CDYL2: variants seen among roughly 807,000 people sequenced by gnomAD.
CDYL2 encodes the protein chromodomain Y-like protein 2.
Under a neutral mutation model 49.4 loss-of-function variants are expected in CDYL2, and 23 were observed. That is an observed-to-expected ratio of 0.47 (90% CI 0.34 to 0.66). The LOEUF (loss-of-function observed/expected upper bound fraction) is 0.66, where lower values mean the gene tolerates loss of function less well. Among genes scored for constraint, CDYL2 ranks in the 30% least tolerant of loss-of-function variants. The probability of loss-of-function intolerance (pLI) is 0.01; values close to 1 mark genes in which losing one functional copy is unlikely to be tolerated. For missense variants in CDYL2, 678 were observed against 656.4 expected (o/e 1.03, Z -0.36); for synonymous variants, 360 against 268.8 (o/e 1.34, Z -3.32).
At chr16:80,657,925 A>G (rs1908878220) in intron 2 of CDYL2, among the ~76,000 whole-genome samples, 1 of 152,182 alleles carries the variant, frequency 6.6e-6, no homozygotes, top group South Asian at 2.1e-4. Context: ...CTGGTGAAAT[A>G]AACTACGATG....
chr16:80,804,607 CCCCGCCCCCCGGGAGCCCGG>C (rs953438467), upstream of CDYL2, among the ~76,000 whole-genome samples: 14 of 145,384 alleles, frequency 9.6e-5, no homozygotes, highest in African/African-American at 2.9e-4. Flanking sequence ...CTGGGCGAGT[CCCCGCCCCCCGGGAGCCCGG>C]CCCGGCCCCC....
chr16:80,609,004 G>A lies in CDYL2; in HGVS notation c.1219-769C>T, dbSNP rs1291126009. Among the ~76,000 whole-genome samples, 6 of 152,128 alleles carry A rather than the reference G, an allele frequency of 3.9e-5. 1 individual carries two copies. In the South Asian group the frequency reaches 8.3e-4, roughly 21 times the overall value. On this transcript the variant is annotated intron_variant, in intron 5 of 6. Coordinates refer to ENST00000570137, the MANE Select transcript of CDYL2 (RefSeq NM_152342.4). ...AACACCACAATACCAAGGCAGAGACGTGCATCTCTCCAAGCAGCTCAGGGC... is the reference window on the plus strand; with the variant it reads ...AACACCACAATACCAAGGCAGAGACATGCATCTCTCCAAGCAGCTCAGGGC...
chr16:80,791,760 A>G (rs1907617718), intron 1 of CDYL2, among the ~76,000 whole-genome samples: 1 of 152,216 alleles, frequency 6.6e-6, no homozygotes, highest in Admixed American at 6.5e-5. Context: ...GAGAAATAGG[A>G]GGAGGTGAGA....
chr16:80,696,476 T>C (rs1910617805), intron 1 of CDYL2, among the ~76,000 whole-genome samples: 2 of 151,610 alleles, frequency 1.3e-5, no homozygotes, highest in Admixed American at 6.6e-5. Context: ...CTAGACTAAG[T>C]AAAAAATAGA....
At chr16:80,620,156 T>A (rs58007867) in intron 4 of CDYL2, among the ~76,000 whole-genome samples, 3,711 of 152,250 alleles carry the variant, frequency 0.024, 166 homozygotes, top group African/African-American at 0.086. Flanking sequence ...GATATACTGA[T>A]AAAGAATGGG....
At chr16:80,729,692 T>A (rs370267093) in intron 1 of CDYL2, among the ~76,000 whole-genome samples, 2 of 152,062 alleles carry the variant, frequency 1.3e-5, no homozygotes, top group South Asian at 4.2e-4. Context: ...ATTGACCACA[T>A]AGTTGGAAGT....
At chr16:80,689,069 TATGA>T (rs3077555) in intron 1 of CDYL2, among the ~76,000 whole-genome samples, 3,154 of 152,116 alleles carry the variant, frequency 0.021, 38 homozygotes, top group Admixed American at 0.028. Flanking sequence ...TATTTGCACA[TATGA>T]ATGAATGAAT....
intron 1 of CDYL2, among the ~76,000 whole-genome samples, chr16:80,719,860 T>C (rs1904939988): frequency 6.6e-6 from 1 of 152,192 alleles, no homozygotes; most frequent in Non-Finnish European, 1.5e-5. Context: ...CCAAAGACAT[T>C]GTTGGGACCT....
rs755503983 is a variant in CDYL2, at chr16:80,804,184, G to A, written c.-11C>T. On this transcript the variant is annotated 5_prime_UTR_variant, in exon 1 of 7. Transcript: ENST00000570137. ...GTCCCCAGAAGCCATGCCAGGCTGC[G>A]GAACTTGGCTCGCCGGTGTGCGCGT... 4.5e-6 allele frequency: 6 copies of A among 1,321,488 alleles called. No individual in the cohort carries two copies. The African/African-American group carries it at 6.3e-5, about 14-fold the overall frequency. The allele number at this position is 1,321,488 out of a possible 1,614,324, so 81.9% of individuals were successfully genotyped here.
intron 6 of CDYL2, among the ~76,000 whole-genome samples, chr16:80,605,503 C>T (rs996442335): frequency 1.3e-5 from 2 of 149,226 alleles, no homozygotes; most frequent in African/African-American, 2.4e-5. Context: ...TAATAATAGT[C>T]ACAACAAAGA....
chr16:80,655,015 A>G, intron 2 of CDYL2, among the ~76,000 whole-genome samples: 1 of 152,178 alleles, frequency 6.6e-6, no homozygotes, highest in Admixed American at 6.5e-5. Flanking sequence ...GATCCAGGGC[A>G]CGGTCCCGTT....
chr16:80,661,782 T>C (rs1243979777), intron 2 of CDYL2, among the ~76,000 whole-genome samples: 1 of 152,178 alleles, frequency 6.6e-6, no homozygotes, highest in Non-Finnish European at 1.5e-5. Flanking sequence ...GCAGAGCTCA[T>C]TTCACTATGT....
intron 1 of CDYL2, among the ~76,000 whole-genome samples, chr16:80,722,431 G>T (rs1465715096): frequency 6.6e-6 from 1 of 152,088 alleles, no homozygotes; most frequent in Non-Finnish European, 1.5e-5. Context: ...ATTTACCCAG[G>T]AACTCACCCT....
At chr16:80,747,214 T>G (rs1033780552) in intron 1 of CDYL2, among the ~76,000 whole-genome samples, 3 of 152,184 alleles carry the variant, frequency 2.0e-5, no homozygotes, top group Non-Finnish European at 4.4e-5. Context: ...GCCCACCACC[T>G]GTCGATGTTC....
chr16:80,636,229 G>C (rs553697795), intron 2 of CDYL2, among the ~76,000 whole-genome samples: 2 of 152,262 alleles, frequency 1.3e-5, no homozygotes, highest in East Asian at 1.9e-4. Flanking sequence ...AAACTAAAGA[G>C]CTTCTGTACA....
chr16:80,760,896 A>G (rs1366378502), intron 1 of CDYL2, among the ~76,000 whole-genome samples: 1 of 152,110 alleles, frequency 6.6e-6, no homozygotes, highest in African/African-American at 2.4e-5. Context: ...TGTCTCTTAA[A>G]GGGGAAAAAG....
At chr16:80,771,652 G>A (rs141232669) in intron 1 of CDYL2, among the ~76,000 whole-genome samples, 1 of 152,034 alleles carries the variant, frequency 6.6e-6, no homozygotes, top group Non-Finnish European at 1.5e-5. Context: ...GAATCCGGGA[G>A]GCAGGGATTG....
chr16:80,692,218 A>G (rs1441090812), intron 1 of CDYL2, among the ~76,000 whole-genome samples: 1 of 152,202 alleles, frequency 6.6e-6, no homozygotes, highest in East Asian at 1.9e-4. Flanking sequence ...TTGAGAATAG[A>G]TCAACTTTAT....
At chr16:80,758,472 G>A (rs1457074351) in intron 1 of CDYL2, among the ~76,000 whole-genome samples, 1 of 151,344 alleles carries the variant, frequency 6.6e-6, no homozygotes, top group Non-Finnish European at 1.5e-5. Context: ...ATGCAGAAAC[G>A]CTTTTTTCTA....
Sources: allele counts gnomAD v4.1 joint callset (sites outside exome capture counted in the v4.1 genomes callset), GRCh38; gene constraint gnomAD v4.1.1; transcripts MANE v1.5; gene names NCBI Gene and HGNC (gene_info 2026-07-23, HGNC 2026-07-21).